The following PPIL2 variants were observed in gnomAD, a reference collection of about 807,000 sequenced individuals.
PPIL2 encodes RING-type E3 ubiquitin-protein ligase PPIL2.
PPIL2 carries 50 observed loss-of-function variants against 75.2 expected under a neutral mutation model. The ratio of observed to expected loss-of-function variants is 0.66; its 90% confidence interval spans 0.53 to 0.84. PPIL2 has a LOEUF of 0.84. PPIL2 is among the 40% of genes least tolerant of loss of function. The probability of loss-of-function intolerance (pLI) is 0.00; values close to 1 mark genes in which losing one functional copy is unlikely to be tolerated. For missense variants in PPIL2, 590 were observed against 685.0 expected (o/e 0.86, Z 1.55); for synonymous variants, 245 against 258.8 (o/e 0.95, Z 0.51).
At position 21,687,626 on chromosome 22, in the gene PPIL2, T is replaced by C; in HGVS notation, c.898-17T>C. The C allele has an allele frequency of 6.5e-7, 1 of 1,542,470 alleles. No homozygotes were observed. The highest frequency in any genetic ancestry group is 8.8e-7 in the Non-Finnish European group (1 of 1,130,768). ...GGCAGCTCTCTGCTTCATACAAGTA[T>C]TGGGGCTATGTTGCAGACACCAAAA... is the stretch of plus-strand genomic sequence containing the variant. On this transcript the variant is annotated splice_polypyrimidine_tract_variant and intron_variant, in intron 12 of 19. Coordinates refer to ENST00000398831, the MANE Select transcript of PPIL2 (RefSeq NM_014337.4).
chr22:21,670,427 GT>G, intron 2 of PPIL2, 138 bp from the exon 3 acceptor site: 1 of 1,472,258 alleles, frequency 6.8e-7, no homozygotes, highest in Non-Finnish European at 9.2e-7. Flanking sequence ...CTGTTAAAAG[GT>G]TTTTAATCCA....
chr22:21,682,980 G>C (rs952286534), intron 8 of PPIL2, among the ~76,000 whole-genome samples: 2 of 152,146 alleles, frequency 1.3e-5, no homozygotes, highest in African/African-American at 4.8e-5. Flanking sequence ...GCGAGGCTGC[G>C]TCCCCGTCCC....
At chr22:21,666,231 G>A in intron 1 of PPIL2, 100 bp downstream of exon 1, 1 of 1,376,592 alleles carries the variant, frequency 7.3e-7, no homozygotes, top group Non-Finnish European at 1.0e-6. Context: ...CTACTCCCCA[G>A]AGCACAGCCC....
intron 3 of PPIL2, 30 bp from the exon 4 acceptor site, chr22:21,670,967 A>C: frequency 6.3e-7 from 1 of 1,583,062 alleles, no homozygotes; most frequent in Non-Finnish European, 8.7e-7. Context: ...GGTGCGTGGC[A>C]ACTCACCAGG....
rs910221706 is a variant in PPIL2 at position 21,694,653 on chromosome 22, T to A, written c.1257T>A (p.Thr419=). 1 of 1,614,000 alleles carries A rather than the reference T, an allele frequency of 6.2e-7. No homozygotes were observed. The highest frequency in any genetic ancestry group is 1.3e-5 in the African/African-American group (1 of 74,920). ...AGAATGTGGAGAGTGACCCCAAAAC[T>A]GACCGCCCTAAGGTCTGTGCCCAGG... The part of the protein sequence containing the change: ...AMENVESDPK[T]DRPKEEIRID... The change falls in exon 17 of 20, where the codon ACT becomes ACA. Residue 419 remains threonine, a synonymous_variant. Coordinates refer to ENST00000398831, the MANE Select transcript of PPIL2 (RefSeq NM_014337.4).
intron 6 of PPIL2, among the ~76,000 whole-genome samples, chr22:21,676,280 C>G (rs1255271178): frequency 3.9e-5 from 3 of 76,400 alleles, no homozygotes; most frequent in South Asian, 3.5e-4. Context: ...GTGTGTGTGT[C>G]TCATTCAGCA....
chr22:21,670,836 T>C (rs1250751692), intron 3 of PPIL2, 161 bp from the exon 4 acceptor site: 7 of 872,390 alleles, frequency 8.0e-6, no homozygotes, highest in African/African-American at 1.7e-5. Context: ...ACAAACACTA[T>C]TGTAGTTGGA....
chr22:21,683,515 C>CAGGT (rs2067218072), intron 9 of PPIL2, among the ~76,000 whole-genome samples: 1 of 152,242 alleles, frequency 6.6e-6, no homozygotes, highest in African/African-American at 2.4e-5. Context: ...TGTCAGTGGG[C>CAGGT]AGGTGGTGGG....
At chr22:21,681,457 A>G (rs2067127999) in intron 7 of PPIL2, 67 bp downstream of exon 7, 4 of 1,419,968 alleles carry the variant, frequency 2.8e-6, no homozygotes, top group South Asian at 2.3e-5. Flanking sequence ...CCTAGTATAC[A>G]CTGGCTGGGC....
chr22:21,691,987 G>A (rs1203112013), intron 15 of PPIL2, among the ~76,000 whole-genome samples: 2 of 152,168 alleles, frequency 1.3e-5, no homozygotes, highest in East Asian at 1.9e-4. Context: ...CAGCCGGGTT[G>A]TGGGCTGTGC....
At chr22:21,674,118 G>T (rs1237695880) in intron 5 of PPIL2, among the ~76,000 whole-genome samples, 3 of 152,180 alleles carry the variant, frequency 2.0e-5, no homozygotes, top group Non-Finnish European at 4.4e-5. Flanking sequence ...TCTCCCCTGG[G>T]CCTGGGTAGG....
At chr22:21,693,975 T>C in intron 16 of PPIL2, 103 bp downstream of exon 16, 1 of 1,253,080 alleles carries the variant, frequency 8.0e-7, no homozygotes. Flanking sequence ...CTGAGTCATG[T>C]GCCATGCTGG....
At chr22:21,677,465 C>T (rs1183602638) in intron 6 of PPIL2, among the ~76,000 whole-genome samples, 1 of 152,268 alleles carries the variant, frequency 6.6e-6, no homozygotes, top group Non-Finnish European at 1.5e-5. Context: ...GAGGCCGAGG[C>T]TGGCAGGTCA....
chr22:21,668,901 C>T (rs781726342), intron 1 of PPIL2, among the ~76,000 whole-genome samples: 1 of 151,660 alleles, frequency 6.6e-6, no homozygotes, highest in Non-Finnish European at 1.5e-5. Flanking sequence ...TCAGTAGAGA[C>T]GGGGTTTCAC....
At chr22:21,691,423 A>G (rs1022432665) in intron 15 of PPIL2, among the ~76,000 whole-genome samples, 4 of 152,156 alleles carry the variant, frequency 2.6e-5, no homozygotes, top group Middle Eastern at 6.8e-3. Context: ...GCTCATGCCT[A>G]TAATCCCAGC....
chr22:21,692,768 G>A (rs997766037), intron 15 of PPIL2, among the ~76,000 whole-genome samples: 3 of 151,172 alleles, frequency 2.0e-5, no homozygotes, highest in African/African-American at 4.9e-5. Context: ...TACTAAAAAT[G>A]CAAAAAAATT....
intron 8 of PPIL2, 150 bp from the exon 9 acceptor site, chr22:21,683,032 C>T (rs1224933586): frequency 1.4e-6 from 1 of 727,606 alleles, no homozygotes; most frequent in Non-Finnish European, 2.5e-6. Context: ...GGCAGACCAC[C>T]TCCTCCCTCA....
At chr22:21,679,273 C>T (rs1227558789) in intron 6 of PPIL2, among the ~76,000 whole-genome samples, 2 of 151,898 alleles carry the variant, frequency 1.3e-5, no homozygotes, top group Admixed American at 6.6e-5. Flanking sequence ...AAGTCCTGGG[C>T]TCAAGTGATC....
chr22:21,696,965 A>G lies in PPIL2; in HGVS notation c.*1475A>G. 1 of 1,567,306 alleles carries G rather than the reference A, an allele frequency of 6.4e-7. No homozygotes were observed. Among genetic ancestry groups the G allele is most frequent in the Non-Finnish European group, 8.6e-7 (1 of 1,156,560 alleles). ...ATCTGTGGCCCTTCATCATGCTAAG[A>G]ACAAGAACTGCGCCATGGCTGGCTC... On this transcript the variant is annotated 3_prime_UTR_variant, in exon 20 of 20. Transcript: ENST00000398831.
Sources: gnomAD v4.1 joint callset for allele counts (sites outside exome capture counted in the v4.1 genomes callset) on GRCh38, gnomAD v4.1.1 for gene constraint, MANE v1.5 for transcripts, NCBI Gene and HGNC (gene_info 2026-07-23, HGNC 2026-07-21) for gene names.